The following PCDHA1 variants were observed in gnomAD, a reference collection of about 807,000 sequenced individuals.
The protein encoded by PCDHA1 is protocadherin alpha-1.
Under a neutral mutation model 61.3 loss-of-function variants are expected in PCDHA1, and 42 were observed. The ratio of observed to expected loss-of-function variants is 0.69; its 90% CI spans 0.54 to 0.89. The LOEUF is 0.89. Among genes scored for constraint, PCDHA1 ranks in the 40% least tolerant of loss-of-function variants. The pLI is 0.00. For synonymous variants in PCDHA1, 610 were observed against 553.8 expected, an observed-to-expected ratio of 1.10 and a Z score of -1.43; for missense variants, 1,256 against 1,235.3, an observed-to-expected ratio of 1.02 and a Z score of -0.25.
At chr5:140,867,824 G>A (rs1258393601) in intron 1 of PCDHA1, 1 of 151,982 alleles carries the variant, frequency 6.6e-6, no homozygotes, top group African/African-American at 2.4e-5. Flanking sequence ...ATTTCCACAA[G>A]CACTAAGGTA....
chr5:140,815,493 T>C (rs2126664766), intron 1 of PCDHA1: 195 of 151,928 alleles, frequency 1.3e-3, no homozygotes, highest in African/African-American at 4.6e-3. Flanking sequence ...CCAAATTTTA[T>C]GTTATTGATG....
intron 1 of PCDHA1, chr5:140,877,011 G>T: frequency 2.5e-6 from 4 of 1,612,512 alleles, no homozygotes. Flanking sequence ...TGCACGCGGA[G>T]AGCGGCAAGG....
chr5:140,978,907 G>T (rs782602741), intron 1 of PCDHA1, 42 bp from the exon 2 acceptor site: 3 of 1,613,648 alleles, frequency 1.9e-6, no homozygotes, highest in East Asian at 2.2e-5. Flanking sequence ...GGAGAACATT[G>T]TCTTGTCATT....
At position 140,978,930 on chromosome 5, in the gene PCDHA1, T is replaced by C; in HGVS notation, c.2395-19T>C. On this transcript the variant is annotated intron_variant, in intron 1 of 3. Transcript: ENST00000504120. ...TTGTCTTGTCATTTTAACAGAAAAC[T>C]CTCTTTGTGATTTTGCAGCCACGAC... 2 of 1,614,088 alleles carry C rather than the reference T, an allele frequency of 1.2e-6. No individual in the cohort carries two copies. Among genetic ancestry groups the C allele is most frequent in the South Asian group, 1.1e-5 (1 of 91,072 alleles).
intron 1 of PCDHA1, chr5:140,816,694 T>A (rs1309487949): frequency 6.6e-6 from 1 of 152,210 alleles, no homozygotes; most frequent in Non-Finnish European, 1.5e-5. Flanking sequence ...TCTTTACTAA[T>A]CAGGCTGGCT....
chr5:140,822,104 A>G lies in PCDHA1; in HGVS notation c.2394+33420A>G, dbSNP rs1767195164. 8 of 1,614,140 alleles carry G rather than the reference A, an allele frequency of 5.0e-6. No individual in the cohort carries two copies. In the African/African-American group the frequency reaches 5.3e-5, roughly 11 times the overall value. On this transcript the variant is annotated intron_variant, in intron 1 of 3. Coordinates refer to ENST00000504120, the MANE Select transcript of PCDHA1 (RefSeq NM_018900.4). ...AGCATCCACCTGGAGGTGATCGTGG[A>G]CAGGCCGCTGCAGGTTTTCCATGTG...
intron 1 of PCDHA1, among the ~76,000 whole-genome samples, chr5:140,916,528 C>T (rs2077601043): frequency 6.6e-6 from 1 of 152,154 alleles, no homozygotes; most frequent in South Asian, 2.1e-4. Context: ...TGGGTCCTTC[C>T]CACCAAGGCA....
At chr5:140,825,229 A>G (rs1768482115) in intron 1 of PCDHA1, 1 of 151,364 alleles carries the variant, frequency 6.6e-6, no homozygotes, top group Admixed American at 6.6e-5. Context: ...TTTTTCTTTT[A>G]TCTGGATCTA....
chr5:140,924,116 G>C (rs2081683465), intron 1 of PCDHA1, among the ~76,000 whole-genome samples: 1 of 152,178 alleles, frequency 6.6e-6, no homozygotes, highest in African/African-American at 2.4e-5. Flanking sequence ...AAAGCAGTTA[G>C]CTTGCTTAGC....
chr5:141,001,395 A>G (rs1331071816), intron 3 of PCDHA1, among the ~76,000 whole-genome samples: 1 of 152,202 alleles, frequency 6.6e-6, no homozygotes. Flanking sequence ...TCCTACAGAG[A>G]ACAGGGAGTA....
intron 3 of PCDHA1, among the ~76,000 whole-genome samples, chr5:141,005,485 T>C (rs57509018): frequency 5.3e-5 from 8 of 151,370 alleles, no homozygotes; most frequent in Non-Finnish European, 1.0e-4. Context: ...GGGCGGATCA[T>C]GAGGTCAGGA....
intron 1 of PCDHA1, chr5:140,823,594 T>C (rs1562273356): frequency 6.2e-7 from 1 of 1,613,998 alleles, no homozygotes; most frequent in Non-Finnish European, 8.5e-7. Context: ...CGCTTGGCTT[T>C]CGTATGAGCT....
intron 1 of PCDHA1, chr5:140,813,645 A>G (rs183408897): frequency 6.6e-6 from 1 of 152,194 alleles, no homozygotes; most frequent in African/African-American, 2.4e-5. Context: ...ATTACTGTGC[A>G]CTAATGTAGA....
In PCDHA1 at chr5:140,795,829, A is replaced by G. The variant is rs1761999918; in HGVS notation, c.2394+7145A>G. On this transcript the variant is annotated intron_variant, in intron 1 of 3. Coordinates refer to ENST00000504120, the MANE Select transcript of PCDHA1 (RefSeq NM_018900.4). ...ACTCGGTAGTGATGTGTCCTCCACT[A>G]TACAGACTAAGTTTACCATAGATCC... The G allele has an allele frequency of 4.3e-6, 7 of 1,613,906 alleles. No individual in the cohort carries two copies. Among genetic ancestry groups the G allele is most frequent in the Non-Finnish European group, 5.9e-6 (7 of 1,179,946 alleles).
chr5:140,882,708 C>T, intron 1 of PCDHA1: 2 of 1,614,174 alleles, frequency 1.2e-6, no homozygotes, highest in Non-Finnish European at 1.7e-6. Flanking sequence ...GAATCTAGAC[C>T]TCCGGAAACT....
rs1158255259 is a variant in PCDHA1, at chr5:140,838,075, ATAGTGTGTGTGTGTGTGTGT to A, written c.2394+49392_2394+49411del. 3.0e-3 allele frequency among the ~76,000 whole-genome samples: 387 copies of A among 128,240 alleles called. 6 individuals carry two copies. The highest frequency in any genetic ancestry group is 2.7e-3 in the South Asian group (10 of 3,754). 84.1% of individuals were successfully genotyped at this position (128,240 alleles called of 152,430 possible). A position where few individuals can be genotyped will look rare whatever the true frequency, so the allele number is the denominator to read the frequency against. ...GTTTTCCACTTTAAGTTATATATAT[ATAGTGTGTGTGTGTGTGTGT>A]GTGTGTGTGTGTGTGTGTGTGTGTG... On this transcript the variant is annotated intron_variant, in intron 1 of 3. Transcript: ENST00000504120.
rs149618945 is a variant in PCDHA1 at position 140,795,088 on chromosome 5, G to A, written c.2394+6404G>A. On this transcript the variant is annotated intron_variant, in intron 1 of 3. Coordinates refer to ENST00000504120, the MANE Select transcript of PCDHA1 (RefSeq NM_018900.4). ...CTCCGTCCCCGAGGAGGCCAAACAC[G>A]GCACCTTCGTGGGCCGCATCGCGCA... 116 of 1,613,996 alleles carry A rather than the reference G, an allele frequency of 7.2e-5. 1 individual carries two copies. In the African/African-American group the frequency reaches 1.4e-3, roughly 20 times the overall value.
At position 140,883,968 on chromosome 5, in the gene PCDHA1, C is replaced by G. The variant is rs201548026; in HGVS notation, c.2395-94981C>G. 34 of 1,613,020 alleles carry G rather than the reference C, an allele frequency of 2.1e-5. No homozygotes were observed. The East Asian group carries it at 7.4e-4, about 35-fold the overall frequency. ...AACGACAACGCTCCGGCGCTGCTGACGCCCGGGGCTGGCAGCGCGGGAGGC... is the reference window on the plus strand; with the variant it reads ...AACGACAACGCTCCGGCGCTGCTGAGGCCCGGGGCTGGCAGCGCGGGAGGC... On this transcript the variant is annotated intron_variant, in intron 1 of 3. Coordinates refer to ENST00000504120, the MANE Select transcript of PCDHA1 (RefSeq NM_018900.4).
chr5:141,004,414 C>A (rs2153980954), intron 3 of PCDHA1, among the ~76,000 whole-genome samples: 1 of 152,330 alleles, frequency 6.6e-6, no homozygotes, highest in Non-Finnish European at 1.5e-5. Context: ...CTGACTAGAT[C>A]TCTGCCTCCT....
Sources: gnomAD v4.1 joint callset for allele counts (sites outside exome capture counted in the v4.1 genomes callset) on GRCh38, gnomAD v4.1.1 for gene constraint, MANE v1.5 for transcripts, NCBI Gene and HGNC (gene_info 2026-07-23, HGNC 2026-07-21) for gene names.